Variants in PAK1IP1 observed in about 807,000 individuals in gnomAD.
The protein encoded by PAK1IP1 is PAK1 interacting protein 1, also known as p21-activated protein kinase-interacting protein 1.
In PAK1IP1, 24 loss-of-function variants were observed where a neutral mutation model predicts 42.0. That is an observed-to-expected ratio of 0.57 (90% CI 0.41 to 0.80). The LOEUF (loss-of-function observed/expected upper bound fraction) is 0.80. Among genes scored for constraint, PAK1IP1 ranks in the 30% least tolerant of loss-of-function variants. The pLI, the probability that PAK1IP1 is intolerant of heterozygous loss-of-function variation, is 0.00. For missense variants in PAK1IP1, 411 were observed against 467.9 expected (o/e 0.88, Z 1.12); for synonymous variants, 154 against 156.7 (o/e 0.98, Z 0.13).
chr6:10,706,564 G>A (rs192875337), intron 7 of PAK1IP1, among the ~76,000 whole-genome samples: 9 of 152,192 alleles, frequency 5.9e-5, no homozygotes, highest in Admixed American at 5.9e-4. Flanking sequence ...TTTTAAGCCT[G>A]CAAGTTACAT....
Position 10,702,864 on chromosome 6 carries a change from C to T in PAK1IP1, c.443+225C>T, listed in dbSNP as rs58582867. 5.8e-3 allele frequency among the ~76,000 whole-genome samples: 880 copies of T among 151,996 alleles called. 8 individuals carry two copies. Among genetic ancestry groups the T allele is most frequent in the African/African-American group, 0.02 (836 of 41,442 alleles). The stretch of plus-strand genomic sequence containing the variant: ...CTCTGTCGCCCAGGCTGGAGTGCGG[C>T]GGCGTGATCTTGGCTCACTGCAAGC... On this transcript the variant is annotated intron_variant, in intron 4 of 9. Coordinates refer to ENST00000379568, the MANE Select transcript of PAK1IP1 (RefSeq NM_017906.3).
chr6:10,695,765 A>G (rs1052213952), intron 1 of PAK1IP1, among the ~76,000 whole-genome samples: 21 of 152,222 alleles, frequency 1.4e-4, no homozygotes, highest in African/African-American at 4.8e-4. Context: ...TCTTGAAGCA[A>G]TTCTAAGCAT....
intron 8 of PAK1IP1, among the ~76,000 whole-genome samples, chr6:10,707,860 A>C (rs746597056): frequency 6.6e-5 from 10 of 152,058 alleles, no homozygotes; most frequent in Non-Finnish European, 1.0e-4. Flanking sequence ...AAATTAACAA[A>C]CCATTTAAAC....
At chr6:10,692,137 G>A (rs1238164735), upstream of PAK1IP1, among the ~76,000 whole-genome samples, 1 of 152,192 alleles carries the variant, frequency 6.6e-6, no homozygotes, top group African/African-American at 2.4e-5. Flanking sequence ...AATATACAAA[G>A]CATGATTTTG....
upstream of PAK1IP1, chr6:10,694,860 G>T: frequency 1.5e-6 from 1 of 679,126 alleles, no homozygotes; most frequent in Non-Finnish European, 2.5e-6. Flanking sequence ...CAGCCCTGGA[G>T]CCTGACGTAT....
At chr6:10,700,077 G>A (rs1018143577) in intron 2 of PAK1IP1, among the ~76,000 whole-genome samples, 15 of 151,660 alleles carry the variant, frequency 9.9e-5, no homozygotes, top group African/African-American at 2.7e-4. Context: ...TGGCGGGGGC[G>A]GGGGGGCTTC....
At chr6:10,691,551 T>G (rs995915524), upstream of PAK1IP1, among the ~76,000 whole-genome samples, 1 of 152,112 alleles carries the variant, frequency 6.6e-6, no homozygotes, top group African/African-American at 2.4e-5. Context: ...GCCCAGAGTG[T>G]GGTGCCGAGC....
chr6:10,705,322 A>T (rs914915119), intron 7 of PAK1IP1, among the ~76,000 whole-genome samples: 10 of 152,186 alleles, frequency 6.6e-5, no homozygotes, highest in Middle Eastern at 3.4e-3. Context: ...GTCTCAAAAA[A>T]AATAATAATA....
At chr6:10,692,383 C>T (rs1320098193), upstream of PAK1IP1, among the ~76,000 whole-genome samples, 1 of 152,210 alleles carries the variant, frequency 6.6e-6, no homozygotes. Flanking sequence ...GTAATCTATT[C>T]TAAATCCTAA....
At chr6:10,694,617 GGCC>G, upstream of PAK1IP1, 3 of 198,926 alleles carry the variant, frequency 1.5e-5, no homozygotes, top group South Asian at 7.3e-5. Flanking sequence ...GCCGGAAGTC[GGCC>G]CCACCTCCTC....
In PAK1IP1 at chr6:10,709,464, C is replaced by G; in HGVS notation, c.*12C>G. On this transcript the variant is annotated 3_prime_UTR_variant, in exon 10 of 10. Coordinates refer to ENST00000379568, the MANE Select transcript of PAK1IP1 (RefSeq NM_017906.3). ...AAACAATGCAGTGAATCACAGATGT[C>G]TCCTGAAAGAACTCTTTTAGATGAA... 1.3e-6 allele frequency: 2 copies of G among 1,554,404 alleles called. No individual in the cohort carries two copies. The highest frequency in any genetic ancestry group is 1.2e-5 in the South Asian group (1 of 86,458).
chr6:10,709,482 T>C lies in PAK1IP1; in HGVS notation c.*30T>C. ...CAGATGTCTCCTGAAAGAACTCTTT[T>C]AGATGAAATCATTCTACTCAAATGT... On this transcript the variant is annotated 3_prime_UTR_variant, in exon 10 of 10. Coordinates refer to ENST00000379568, the MANE Select transcript of PAK1IP1 (RefSeq NM_017906.3). 1.4e-6 allele frequency: 2 copies of C among 1,479,754 alleles called. No individual in the cohort carries two copies. The highest frequency in any genetic ancestry group is 1.9e-6 in the Non-Finnish European group (2 of 1,079,048). 91.7% of individuals were successfully genotyped at this position (1,479,754 alleles called of 1,614,324 possible). A position where few individuals can be genotyped will look rare whatever the true frequency, so the allele number is the denominator to read the frequency against.
chr6:10,703,414 T>C lies in PAK1IP1; in HGVS notation c.453T>C (p.Asn151=). ...GCTTCCTGTTTTGCAGAACGTGGAA[T>C]CTTGTAGAAGGAAGATCAGCATTCA... ...VGTDKTLRTW[N]LVEGRSAFIK... is the part of the protein sequence containing the mutation. Residue 151 remains asparagine (N), a synonymous_variant, in exon 5 of 10, where the codon AAT becomes AAC. Coordinates refer to ENST00000379568, the MANE Select transcript of PAK1IP1 (RefSeq NM_017906.3). 6.2e-7 allele frequency: 1 copy of C among 1,611,592 alleles called. No homozygotes were observed. The highest frequency in any genetic ancestry group is 1.1e-5 in the South Asian group (1 of 90,698).
In PAK1IP1 at chr6:10,709,127, A is replaced by G. The variant is rs186256018; in HGVS notation, c.964+51A>G. 391 of 1,560,996 alleles carry G rather than the reference A, an allele frequency of 2.5e-4. 1 individual carries two copies. Among genetic ancestry groups the G allele is most frequent in the Admixed American group, 1.2e-4 (7 of 56,306 alleles). On this transcript the variant is annotated intron_variant, in intron 9 of 9. Coordinates refer to ENST00000379568, the MANE Select transcript of PAK1IP1 (RefSeq NM_017906.3). Reference sequence around the variant, plus strand: ...TTTTGAATAATCTATTATCTCTTAAATTGTAGAAGTGGAGGAGATCCAGAT... The same window carrying G: ...TTTTGAATAATCTATTATCTCTTAAGTTGTAGAAGTGGAGGAGATCCAGAT...
At chr6:10,694,608 C>CT, upstream of PAK1IP1, 44 of 178,052 alleles carry the variant, frequency 2.5e-4, no homozygotes, top group South Asian at 1.8e-3. Flanking sequence ...AAGCAACCGG[C>CT]CGGAAGTCGG....
Position 10,704,496 on chromosome 6 carries a change from TC to T in PAK1IP1, c.497-9del. On this transcript the variant is annotated splice_polypyrimidine_tract_variant and intron_variant, in intron 5 of 9. Coordinates refer to ENST00000379568, the MANE Select transcript of PAK1IP1 (RefSeq NM_017906.3). ...ACAAAATAAATAAACTTCGTTTTTT[TC>T]CACTTACAGATGCTCACATAGTAGA... is the stretch of plus-strand genomic sequence containing the variant. The T allele has an allele frequency of 6.6e-7, 1 of 1,519,690 alleles. No homozygotes were observed. Among genetic ancestry groups the T allele is most frequent in the Non-Finnish European group, 8.9e-7 (1 of 1,125,534 alleles). 94.1% of individuals were successfully genotyped at this position (1,519,690 alleles called of 1,614,324 possible). A position where few individuals can be genotyped will look rare whatever the true frequency, so the allele number is the denominator to read the frequency against.
rs1758724331 is a variant in PAK1IP1 at position 10,695,019 on chromosome 6, C to T, written c.34C>T (p.Leu12Phe). The T allele has an allele frequency of 2.5e-6, 4 of 1,602,710 alleles. No homozygotes were observed. Among genetic ancestry groups the T allele is most frequent in the African/African-American group, 2.7e-5 (2 of 74,594 alleles). Residue 12 changes from leucine to phenylalanine, a missense_variant, in exon 1 of 10, where the codon CTC becomes TTC. Physicochemically the swap from Leu to Phe is conservative, Grantham distance 22. Transcript: ENST00000379568. ...ELVAGCYEQV[L>F]FGFAVHPEPE... ...GGTCGCTGGTTGCTACGAGCAGGTC[C>T]TCTTTGGGTTCGCTGTACACCCGGA...
chr6:10,703,747 C>T (rs575306204), intron 5 of PAK1IP1, among the ~76,000 whole-genome samples: 1 of 152,270 alleles, frequency 6.6e-6, no homozygotes, highest in East Asian at 1.9e-4. Context: ...TGTATATATG[C>T]AGATATTCCA....
rs780256684 is a variant in PAK1IP1, at chr6:10,695,022, T to G, written c.37T>G (p.Phe13Val). 10 of 1,603,018 alleles carry G rather than the reference T, an allele frequency of 6.2e-6. No individual in the cohort carries two copies. Among genetic ancestry groups the G allele is most frequent in the Non-Finnish European group, 6.8e-6 (8 of 1,179,688 alleles). Residue 13 changes from phenylalanine (F) to valine (V), a missense_variant, in exon 1 of 10, where the codon TTT becomes GTT. Coordinates refer to ENST00000379568, the MANE Select transcript of PAK1IP1 (RefSeq NM_017906.3). ...LVAGCYEQVL[F>V]GFAVHPEPEA... ...CGCTGGTTGCTACGAGCAGGTCCTC[T>G]TTGGGTTCGCTGTACACCCGGAGCC... is the stretch of plus-strand genomic sequence containing the variant.
Sources: allele counts gnomAD v4.1 joint callset (sites outside exome capture counted in the v4.1 genomes callset), GRCh38; gene constraint gnomAD v4.1.1; transcripts MANE v1.5; gene names NCBI Gene and HGNC (gene_info 2026-07-23, HGNC 2026-07-21).